PRELID2: variants seen among roughly 807,000 people sequenced by gnomAD.
PRELID2 encodes the protein PRELI domain containing 2, also known as PRELI domain-containing protein 2.
In PRELID2, 25 loss-of-function variants were observed where a neutral mutation model predicts 28.4. That is an observed-to-expected ratio of 0.88 (90% CI 0.64 to 1.23). The LOEUF is 1.23. Ranked by LOEUF, PRELID2 falls within the 50% of genes most tolerant of loss-of-function variation. The pLI, the probability that PRELID2 is intolerant of heterozygous loss-of-function variation, is 0.00. For missense variants in PRELID2, 201 were observed against 214.4 expected, an observed-to-expected ratio of 0.94 and a Z score of 0.39; for synonymous variants, 76 against 71.6, an observed-to-expected ratio of 1.06 and a Z score of -0.31.
chr5:145,658,383 T>A (rs1019086878), intron 1 of PRELID2, among the ~76,000 whole-genome samples: 1 of 152,192 alleles, frequency 6.6e-6, no homozygotes, highest in African/African-American at 2.4e-5. Context: ...TCCATTGAGA[T>A]GCAACATGTG....
chr5:145,616,479 G>A (rs569865262), intron 1 of PRELID2, among the ~76,000 whole-genome samples: 1 of 152,238 alleles, frequency 6.6e-6, no homozygotes, highest in African/African-American at 2.4e-5. Flanking sequence ...GTGTCGGCCG[G>A]TCTGAGAAAT....
the PRELID2 span, among the ~76,000 whole-genome samples, chr5:145,342,089 G>A: frequency 6.6e-6 from 1 of 152,202 alleles, no homozygotes; most frequent in African/African-American, 2.4e-5. Context: ...CAAGCCTGAA[G>A]AGAATGAGAT....
intron 1 of PRELID2, among the ~76,000 whole-genome samples, chr5:145,475,776 A>T (rs562602201): frequency 1.3e-5 from 2 of 152,326 alleles, no homozygotes; most frequent in South Asian, 4.1e-4. Context: ...GCTATAATTA[A>T]ATTTAATAAA....
intron 1 of PRELID2, among the ~76,000 whole-genome samples, chr5:145,563,664 A>G (rs1380523648): frequency 1.3e-5 from 2 of 152,194 alleles, no homozygotes; most frequent in African/African-American, 4.8e-5. Context: ...TGGTAAGTGA[A>G]GTAAGCCAGA....
At chr5:145,326,269 G>T in the PRELID2 span, among the ~76,000 whole-genome samples, 2 of 152,094 alleles carry the variant, frequency 1.3e-5, no homozygotes, top group Non-Finnish European at 2.9e-5. Context: ...GCTTCCCAAA[G>T]TGCTGAGATT....
the PRELID2 span, among the ~76,000 whole-genome samples, chr5:145,365,054 T>C: frequency 2.6e-5 from 4 of 151,888 alleles, no homozygotes; most frequent in Non-Finnish European, 5.9e-5. Flanking sequence ...AATGATGTCT[T>C]ATAGGAACTC....
At chr5:145,717,186 C>A (rs1477261996) in intron 1 of PRELID2, among the ~76,000 whole-genome samples, 1 of 152,084 alleles carries the variant, frequency 6.6e-6, no homozygotes, top group Non-Finnish European at 1.5e-5. Context: ...CTATTTTATT[C>A]TATTTCTCTG....
chr5:145,739,437 G>A (rs1274366522), intron 1 of PRELID2, among the ~76,000 whole-genome samples: 1 of 152,162 alleles, frequency 6.6e-6, no homozygotes, highest in Non-Finnish European at 1.5e-5. Context: ...CCTGGGAGGT[G>A]GAGGTTGCAG....
chr5:145,522,416 C>A (rs1032620763), intron 1 of PRELID2, among the ~76,000 whole-genome samples: 1 of 149,698 alleles, frequency 6.7e-6, no homozygotes, highest in Non-Finnish European at 1.5e-5. Context: ...CACACACACA[C>A]GAGAGAGAGA....
At chr5:145,606,664 T>G (rs2149641832) in intron 1 of PRELID2, among the ~76,000 whole-genome samples, 1 of 152,296 alleles carries the variant, frequency 6.6e-6, no homozygotes, top group Admixed American at 6.5e-5. Flanking sequence ...GGATTCAACT[T>G]GCTAGTATTT....
Position 145,515,223 on chromosome 5 carries a change from T to C in PRELID2, n.71-41908A>G, listed in dbSNP as rs1037840974. Among the ~76,000 whole-genome samples, 3 of 152,222 alleles carry C rather than the reference T, an allele frequency of 2.0e-5. No individual in the cohort carries two copies. In the East Asian group the frequency reaches 5.8e-4, roughly 29 times the overall value. ...AAAATTAATGAATCCAGGAGCTGGT[T>C]TTTTGAAAAGACTAAAATAGACCAC... On this transcript the variant is annotated intron_variant and non_coding_transcript_variant, in intron 1 of 2. Coordinates refer to the PRELID2 transcript ENST00000510259.
chr5:145,810,747 C>T (rs1269172641), intron 4 of PRELID2, among the ~76,000 whole-genome samples: 1 of 152,132 alleles, frequency 6.6e-6, no homozygotes, highest in Non-Finnish European at 1.5e-5. Flanking sequence ...CTATTTTAAG[C>T]TTTCTCTATG....
chr5:145,691,048 G>A (rs1052375021), intron 1 of PRELID2, among the ~76,000 whole-genome samples: 2 of 151,886 alleles, frequency 1.3e-5, no homozygotes, highest in African/African-American at 2.4e-5. Context: ...GCATGTGATG[G>A]TGTAAATTGT....
intron 1 of PRELID2, among the ~76,000 whole-genome samples, chr5:145,488,590 A>G (rs941926172): frequency 6.6e-6 from 1 of 152,242 alleles, no homozygotes; most frequent in Non-Finnish European, 1.5e-5. Context: ...AAAATCAAAT[A>G]AAAACAAGAC....
chr5:145,804,508 T>G (rs1490167863), intron 4 of PRELID2, among the ~76,000 whole-genome samples: 1 of 152,086 alleles, frequency 6.6e-6, no homozygotes, highest in African/African-American at 2.4e-5. Flanking sequence ...AGACTCTGCC[T>G]CAAAAAAGAA....
the PRELID2 span, among the ~76,000 whole-genome samples, chr5:145,298,024 C>T: frequency 3.4e-3 from 514 of 152,154 alleles, 1 homozygote; most frequent in African/African-American, 0.012. Context: ...GAATCAATAT[C>T]ATGAAAATGG....
rs547015429 is a variant in PRELID2, at chr5:145,602,988, G to T, written n.71-129673C>A. The stretch of plus-strand genomic sequence containing the variant: ...AATTGCTTGAACCCAGGAGGCGGAG[G>T]TTGCAGTAAGCCAAGACCGCGCCAT... On this transcript the variant is annotated intron_variant and non_coding_transcript_variant, in intron 1 of 2. Coordinates refer to the PRELID2 transcript ENST00000510259. Among the ~76,000 whole-genome samples the T allele has an allele frequency of 4.6e-5, 7 of 152,198 alleles. No individual in the cohort carries two copies. In the East Asian group the frequency reaches 1.2e-3, roughly 25 times the overall value.
At chr5:145,273,772 G>A in the PRELID2 span, among the ~76,000 whole-genome samples, 4 of 152,064 alleles carry the variant, frequency 2.6e-5, no homozygotes, top group South Asian at 2.1e-4. Context: ...ACAAATATGG[G>A]ACCTATTGTA....
intron 1 of PRELID2, among the ~76,000 whole-genome samples, chr5:145,653,789 G>A (rs1049169193): frequency 6.6e-6 from 1 of 152,194 alleles, no homozygotes; most frequent in African/African-American, 2.4e-5. Context: ...GCCCACAAGA[G>A]AAAGCAGGAA....
Sources: allele counts gnomAD v4.1 joint callset (sites outside exome capture counted in the v4.1 genomes callset), GRCh38; gene constraint gnomAD v4.1.1; transcripts MANE v1.5; gene names NCBI Gene and HGNC (gene_info 2026-07-23, HGNC 2026-07-21).